Variants in BCAR3 observed in about 807,000 individuals in gnomAD.
BCAR3 encodes the protein breast cancer anti-estrogen resistance protein 3.
BCAR3 carries 37 observed loss-of-function variants against 80.1 expected under a neutral mutation model. The observed-to-expected ratio is 0.46, with a 90% CI of 0.36 to 0.61. The LOEUF (loss-of-function observed/expected upper bound fraction) is 0.61, where lower values mean the gene tolerates loss of function less well. Ranked by LOEUF, BCAR3 falls within the 20% of genes least tolerant of loss-of-function variation. The pLI, the probability that BCAR3 is intolerant of heterozygous loss-of-function variation, is 0.00. For missense variants in BCAR3, 978 were observed against 1,068.2 expected, an observed-to-expected ratio of 0.92 and a Z score of 1.18; for synonymous variants, 389 against 418.9, an observed-to-expected ratio of 0.93 and a Z score of 0.87.
chr1:93,651,008 C>T (rs1401342948), intron 2 of BCAR3, among the ~76,000 whole-genome samples: 3 of 152,006 alleles, frequency 2.0e-5, no homozygotes, highest in Non-Finnish European at 2.9e-5. Context: ...TCACTTATAC[C>T]CTAAAAGTAA....
intron 2 of BCAR3, among the ~76,000 whole-genome samples, chr1:93,667,902 A>C (rs557360087): frequency 3.9e-5 from 6 of 152,308 alleles, no homozygotes; most frequent in African/African-American, 9.6e-5. Flanking sequence ...TTTAGCTTAC[A>C]ACTAAGACTT....
At chr1:93,601,857 C>G (rs549637272) in intron 3 of BCAR3, among the ~76,000 whole-genome samples, 1 of 152,248 alleles carries the variant, frequency 6.6e-6, no homozygotes, top group African/African-American at 2.4e-5. Context: ...GCTATTCTAT[C>G]CTAGTTGGGA....
At chr1:93,651,841 C>T (rs1430532801) in intron 2 of BCAR3, among the ~76,000 whole-genome samples, 2 of 152,316 alleles carry the variant, frequency 1.3e-5, no homozygotes, top group African/African-American at 4.8e-5. Flanking sequence ...AGAGAAGCGG[C>T]ATCACATTTA....
At chr1:93,609,453 G>T (rs1439340669) in intron 3 of BCAR3, among the ~76,000 whole-genome samples, 1 of 152,102 alleles carries the variant, frequency 6.6e-6, no homozygotes, top group Admixed American at 6.5e-5. Context: ...CCCTTGCAAG[G>T]TAATTCCCGT....
chr1:93,598,217 C>G (rs1046463318), intron 3 of BCAR3, among the ~76,000 whole-genome samples: 5 of 152,130 alleles, frequency 3.3e-5, no homozygotes, highest in African/African-American at 4.8e-5. Context: ...ACAATGGACC[C>G]TGGAGGCACA....
chr1:93,737,958 A>G (rs751045328), intron 2 of BCAR3, among the ~76,000 whole-genome samples: 2 of 152,120 alleles, frequency 1.3e-5, no homozygotes, highest in African/African-American at 2.4e-5. Flanking sequence ...TCAACCTCAC[A>G]AGTAGCTAGG....
At chr1:93,636,220 G>A (rs556067527) in intron 3 of BCAR3, among the ~76,000 whole-genome samples, 2 of 152,274 alleles carry the variant, frequency 1.3e-5, no homozygotes, top group South Asian at 4.1e-4. Flanking sequence ...GGGGTCATCT[G>A]CACTGTGAAG....
rs1557833583 is a variant in BCAR3, at chr1:93,567,244, G to A, written c.2299+35C>T. 2.5e-6 allele frequency: 4 copies of A among 1,604,842 alleles called. No individual in the cohort carries two copies. The South Asian group carries it at 4.4e-5, about 18-fold the overall frequency. On this transcript the variant is annotated intron_variant, in intron 11 of 11. Coordinates refer to ENST00000260502, the MANE Select transcript of BCAR3 (RefSeq NM_003567.4). Reference sequence around the variant, plus strand: ...ATTCCTTCATTTCAATTACGATACAGTGTTAGAGAACAGCTTACAAAACCC... The same window carrying A: ...ATTCCTTCATTTCAATTACGATACAATGTTAGAGAACAGCTTACAAAACCC...
At chr1:93,566,453 G>A (rs1199649746) in intron 11 of BCAR3, among the ~76,000 whole-genome samples, 2 of 152,096 alleles carry the variant, frequency 1.3e-5, no homozygotes, top group Non-Finnish European at 2.9e-5. Flanking sequence ...CAGTTAGCAC[G>A]GTGCCGCGCG....
At chr1:93,692,823 G>A (rs1351609404) in intron 3 of BCAR3, among the ~76,000 whole-genome samples, 1 of 152,170 alleles carries the variant, frequency 6.6e-6, no homozygotes, top group Non-Finnish European at 1.5e-5. Flanking sequence ...AGCTGGGTTA[G>A]GTAAACTTAG....
rs536716744 is a variant in BCAR3 at position 93,641,697 on chromosome 1, C to T, written c.357+607G>A. 5.9e-5 allele frequency among the ~76,000 whole-genome samples: 9 copies of T among 152,280 alleles called. No homozygotes were observed. The South Asian group carries it at 1.2e-3, about 21-fold the overall frequency. On this transcript the variant is annotated intron_variant, in intron 3 of 11. Transcript: ENST00000260502. Reference sequence around the variant, plus strand: ...CTAAGTACCTAATATTACTACTTGGCCCCAGATTAGCCCTGAACAAGAGGG... The same window carrying T: ...CTAAGTACCTAATATTACTACTTGGTCCCAGATTAGCCCTGAACAAGAGGG...
At chr1:93,617,068 T>G (rs936010060) in intron 3 of BCAR3, among the ~76,000 whole-genome samples, 1 of 152,174 alleles carries the variant, frequency 6.6e-6, no homozygotes, top group Admixed American at 6.5e-5. Flanking sequence ...TCAATGCCAG[T>G]TTTTCCTTGG....
At chr1:93,667,826 G>A (rs575034204) in intron 2 of BCAR3, among the ~76,000 whole-genome samples, 2 of 152,270 alleles carry the variant, frequency 1.3e-5, no homozygotes, top group African/African-American at 4.8e-5. Flanking sequence ...GGCTCAGGCC[G>A]GTCTGGCCAC....
chr1:93,642,974 TCCC>T (rs1676031844), intron 2 of BCAR3, among the ~76,000 whole-genome samples: 1 of 152,154 alleles, frequency 6.6e-6, no homozygotes, highest in Non-Finnish European at 1.5e-5. Flanking sequence ...ATGCCTGTAA[TCCC>T]AGCACTTTGG....
Position 93,747,341 on chromosome 1 carries a change from T to G in BCAR3, c.-62-41199A>C, listed in dbSNP as rs563411640. Among the ~76,000 whole-genome samples, 29 of 148,008 alleles carry G rather than the reference T, an allele frequency of 2.0e-4. 1 individual carries two copies. The highest frequency in any genetic ancestry group is 7.7e-4 in the African/African-American group (29 of 37,448). ...CAGGTTCTAGAAGTAGTGTCCAGTG[T>G]CCAATAGCACAAGCTGTAGTGTCTG... On this transcript the variant is annotated intron_variant, in intron 2 of 13. Coordinates refer to the BCAR3 transcript ENST00000370244.
At chr1:93,649,329 C>T (rs2101917636) in intron 2 of BCAR3, among the ~76,000 whole-genome samples, 1 of 152,314 alleles carries the variant, frequency 6.6e-6, no homozygotes, top group South Asian at 2.1e-4. Context: ...TGAGGTGGTT[C>T]CATCTTTGTG....
Position 93,665,552 on chromosome 1 carries a change from TA to T in BCAR3, c.317+9061del, listed in dbSNP as rs1265461878. On this transcript the variant is annotated intron_variant, in intron 2 of 11. Coordinates refer to ENST00000260502, the MANE Select transcript of BCAR3 (RefSeq NM_003567.4). ...GGTCGTTCTTAGGGTTCCTTCCCTT[TA>T]CTCTTTACATAGAGCTCTAGATCTC... Among the ~76,000 whole-genome samples the T allele has an allele frequency of 5.3e-5, 8 of 152,284 alleles. No individual in the cohort carries two copies. The South Asian group carries it at 1.0e-3, about 20-fold the overall frequency.
chr1:93,784,897 G>C (rs924417886), intron 2 of BCAR3, among the ~76,000 whole-genome samples: 1 of 152,198 alleles, frequency 6.6e-6, no homozygotes, highest in African/African-American at 2.4e-5. Flanking sequence ...CTCCCTGTAT[G>C]AGCTTCCCTT....
chr1:93,739,984 C>A (rs879269493), intron 2 of BCAR3, among the ~76,000 whole-genome samples: 2 of 150,304 alleles, frequency 1.3e-5, no homozygotes, highest in African/African-American at 4.9e-5. Flanking sequence ...TGCAGTGAGC[C>A]GAGATCATGC....
Sources: gnomAD v4.1 joint callset for allele counts (sites outside exome capture counted in the v4.1 genomes callset) on GRCh38, gnomAD v4.1.1 for gene constraint, MANE v1.5 for transcripts, NCBI Gene and HGNC (gene_info 2026-07-23, HGNC 2026-07-21) for gene names.